CTNNA3: variants seen among roughly 807,000 people sequenced by gnomAD.
The protein encoded by CTNNA3 is catenin alpha 3.
In CTNNA3, 76 loss-of-function variants were observed where a neutral mutation model predicts 95.7. That is an observed-to-expected ratio of 0.79 (90% CI 0.66 to 0.96). The LOEUF is 0.96. CTNNA3 is among the 40% of genes least tolerant of loss of function. CTNNA3 has a pLI of 0.00. For synonymous variants in CTNNA3, 431 were observed against 374.4 expected (o/e 1.15, Z -1.74); for missense variants, 1,191 against 1,089.8 (o/e 1.09, Z -1.31).
chr10:66,908,213 T>C (rs1846072812), intron 7 of CTNNA3, among the ~76,000 whole-genome samples: 1 of 152,178 alleles, frequency 6.6e-6, no homozygotes, highest in Non-Finnish European at 1.5e-5. Flanking sequence ...ACATTGATCT[T>C]GTTATGAGAT....
chr10:67,547,807 T>A (rs1460639025), intron 3 of CTNNA3, among the ~76,000 whole-genome samples: 1 of 152,116 alleles, frequency 6.6e-6, no homozygotes, highest in Non-Finnish European at 1.5e-5. Context: ...AAATAAAACA[T>A]TTAGGAATAA....
chr10:67,174,024 C>A (rs922063633), intron 7 of CTNNA3, among the ~76,000 whole-genome samples: 13 of 152,172 alleles, frequency 8.5e-5, no homozygotes, highest in African/African-American at 2.2e-4. Flanking sequence ...TTGCTCTCTG[C>A]TTTTCACCTC....
chr10:66,513,426 C>T (rs952601119), intron 11 of CTNNA3, among the ~76,000 whole-genome samples: 1 of 152,136 alleles, frequency 6.6e-6, no homozygotes, highest in Non-Finnish European at 1.5e-5. Flanking sequence ...TTCCTGAAAG[C>T]TGTGATGTGA....
At position 66,173,067 on chromosome 10, in the gene CTNNA3, G is replaced by C. The variant is rs574837333; in HGVS notation, c.1885-69818C>G. ...ACTATGGAAATTCAGAGGTGGTTGT[G>C]AGAGAGTTGAGGAGAAGCAAAGGGA... On this transcript the variant is annotated intron_variant, in intron 13 of 17. Coordinates refer to ENST00000433211, the MANE Select transcript of CTNNA3 (RefSeq NM_013266.4). Among the ~76,000 whole-genome samples, 7 of 152,286 alleles carry C rather than the reference G, an allele frequency of 4.6e-5. No homozygotes were observed. The South Asian group carries it at 1.4e-3, about 32-fold the overall frequency.
intron 12 of CTNNA3, among the ~76,000 whole-genome samples, chr10:66,289,213 T>C (rs1034554383): frequency 4.0e-5 from 6 of 151,562 alleles, no homozygotes; most frequent in African/African-American, 4.8e-5. Flanking sequence ...TCATTGATAG[T>C]TGTGATTTTA....
intron 13 of CTNNA3, among the ~76,000 whole-genome samples, chr10:66,269,239 A>C (rs1237070764): frequency 6.6e-6 from 1 of 152,232 alleles, no homozygotes; most frequent in Non-Finnish European, 1.5e-5. Flanking sequence ...GATATTCCAA[A>C]GAATGGGAAT....
intron 5 of CTNNA3, among the ~76,000 whole-genome samples, chr10:67,320,494 G>T (rs539587212): frequency 2.0e-5 from 3 of 152,252 alleles, no homozygotes; most frequent in African/African-American, 7.2e-5. Context: ...ATCTTTTCTG[G>T]TAGCAAGAAA....
At chr10:67,656,544 A>G (rs1004412987) in intron 1 of CTNNA3, among the ~76,000 whole-genome samples, 3 of 152,220 alleles carry the variant, frequency 2.0e-5, no homozygotes, top group South Asian at 4.1e-4. Context: ...ATGATTTCGT[A>G]TATTAGAAAA....
At chr10:67,346,620 T>C in intron 5 of CTNNA3, 1 of 448,728 alleles carries the variant, frequency 2.2e-6, no homozygotes, top group South Asian at 1.6e-5. Flanking sequence ...TATGGACAAG[T>C]AGAAAATATG....
At chr10:66,051,138 G>A (rs933128426) in intron 15 of CTNNA3, among the ~76,000 whole-genome samples, 3 of 152,124 alleles carry the variant, frequency 2.0e-5, no homozygotes, top group Non-Finnish European at 4.4e-5. Flanking sequence ...GCCTCCCAAA[G>A]TGCTGAGAAT....
intron 13 of CTNNA3, among the ~76,000 whole-genome samples, chr10:66,169,570 C>T (rs560644833): frequency 2.6e-5 from 4 of 152,090 alleles, no homozygotes; most frequent in Admixed American, 2.6e-4. Context: ...AATTGTAGTT[C>T]TACTTTTAGT....
intron 12 of CTNNA3, among the ~76,000 whole-genome samples, chr10:66,294,832 T>C (rs960429326): frequency 1.3e-5 from 2 of 151,992 alleles, no homozygotes; most frequent in Admixed American, 1.3e-4. Flanking sequence ...AAGAGTCTAT[T>C]CACGTTGAGT....
intron 7 of CTNNA3, among the ~76,000 whole-genome samples, chr10:67,025,257 G>T (rs1214954389): frequency 6.6e-6 from 1 of 151,214 alleles, no homozygotes; most frequent in African/African-American, 2.4e-5. Context: ...GACTCATTCA[G>T]TTAACTAAAT....
chr10:67,649,656 T>C (rs907009052), intron 1 of CTNNA3, among the ~76,000 whole-genome samples: 1 of 152,230 alleles, frequency 6.6e-6, no homozygotes, highest in Non-Finnish European at 1.5e-5. Context: ...TTGTATGTCC[T>C]GGTCAGTATT....
At chr10:67,296,987 T>A (rs187497903) in intron 5 of CTNNA3, among the ~76,000 whole-genome samples, 1 of 139,924 alleles carries the variant, frequency 7.1e-6, no homozygotes, top group East Asian at 2.3e-4. Flanking sequence ...TCCCTGATCC[T>A]AGCAAATTAA....
chr10:66,644,691 T>C (rs1278088933), intron 9 of CTNNA3, among the ~76,000 whole-genome samples: 3 of 132,360 alleles, frequency 2.3e-5, no homozygotes, highest in Non-Finnish European at 4.7e-5. Context: ...TTTCAGGGTC[T>C]TGACACTGAT....
intron 13 of CTNNA3, among the ~76,000 whole-genome samples, chr10:66,128,140 C>T (rs982964755): frequency 7.2e-5 from 11 of 152,066 alleles, no homozygotes; most frequent in Non-Finnish European, 1.6e-4. Context: ...CAGGAACTAA[C>T]AAGGTAGAAC....
intron 11 of CTNNA3, among the ~76,000 whole-genome samples, chr10:66,439,392 T>TA (rs1432728650): frequency 1.3e-5 from 2 of 152,130 alleles, no homozygotes; most frequent in Non-Finnish European, 2.9e-5. Flanking sequence ...GTTAGCATGA[T>TA]AAAAAATAAA....
chr10:66,947,890 G>A (rs1420038039), intron 7 of CTNNA3, among the ~76,000 whole-genome samples: 1 of 152,108 alleles, frequency 6.6e-6, no homozygotes, highest in Non-Finnish European at 1.5e-5. Context: ...TTGTCATTGT[G>A]CGAACATCAC....
Sources: gnomAD v4.1 joint callset for allele counts (sites outside exome capture counted in the v4.1 genomes callset) on GRCh38, gnomAD v4.1.1 for gene constraint, MANE v1.5 for transcripts, NCBI Gene and HGNC (gene_info 2026-07-23, HGNC 2026-07-21) for gene names.